SLC4A4: variants seen among roughly 807,000 people sequenced by gnomAD.
The protein encoded by SLC4A4 is electrogenic sodium bicarbonate cotransporter 1.
A neutral mutation model predicts 111.5 loss-of-function variants in SLC4A4; 27 were observed. That is an observed-to-expected ratio of 0.24 (90% CI 0.18 to 0.33). The LOEUF (loss-of-function observed/expected upper bound fraction) is 0.33. SLC4A4 is among the 10% of genes least tolerant of loss of function. The pLI is 1.00. For synonymous variants in SLC4A4, 443 were observed against 463.4 expected (o/e 0.96, Z 0.57); for missense variants, 909 against 1,315.5 (o/e 0.69, Z 4.78).
chr4:71,352,372 C>A (rs1729921856), intron 5 of SLC4A4, among the ~76,000 whole-genome samples: 1 of 151,918 alleles, frequency 6.6e-6, no homozygotes, highest in African/African-American at 2.4e-5. Flanking sequence ...TTAAAAAAAA[C>A]ACAATTTTTT....
chr4:71,550,084 C>T (rs1228119138), intron 20 of SLC4A4, among the ~76,000 whole-genome samples: 1 of 151,748 alleles, frequency 6.6e-6, no homozygotes, highest in Non-Finnish European at 1.5e-5. Context: ...TTTGAGTTAC[C>T]CCAAGTAGTC....
rs1179942150 is a variant in SLC4A4 at position 71,297,546 on chromosome 4, A to T, written c.254-41824A>T. Among the ~76,000 whole-genome samples, 3 of 145,280 alleles carry T rather than the reference A, an allele frequency of 2.1e-5. No individual in the cohort carries two copies. The East Asian group carries it at 6.0e-4, about 29-fold the overall frequency. On this transcript the variant is annotated intron_variant, in intron 3 of 25. Coordinates refer to ENST00000264485, the MANE Select transcript of SLC4A4 (RefSeq NM_001098484.3). The stretch of plus-strand genomic sequence containing the variant: ...CACACACACACACACACACACACAC[A>T]CACACTCTTTGGCAAAAGAAATGAA...
intron 2 of SLC4A4, among the ~76,000 whole-genome samples, chr4:71,156,796 CAGT>C (rs1451358647): frequency 1.3e-5 from 2 of 152,146 alleles, no homozygotes; most frequent in Non-Finnish European, 2.9e-5. Flanking sequence ...ATTTCATCAG[CAGT>C]AGTTTTTGGC....
chr4:71,254,014 C>A lies in SLC4A4; in HGVS notation c.74-1206C>A, dbSNP rs573582429. The stretch of plus-strand genomic sequence containing the variant: ...GCCAATTATGGTGTTTTTAGATATA[C>A]CCCGTAGGTTACTGTGGAAAGTAGT... On this transcript the variant is annotated intron_variant, in intron 2 of 25. Coordinates refer to ENST00000264485, the MANE Select transcript of SLC4A4 (RefSeq NM_001098484.3). Among the ~76,000 whole-genome samples, 4 of 152,262 alleles carry A rather than the reference C, an allele frequency of 2.6e-5. No individual in the cohort carries two copies. The South Asian group carries it at 8.3e-4, about 32-fold the overall frequency.
At chr4:71,449,854 A>G (rs1725598335) in intron 9 of SLC4A4, among the ~76,000 whole-genome samples, 1 of 152,302 alleles carries the variant, frequency 6.6e-6, no homozygotes, top group Admixed American at 6.5e-5. Context: ...CAGATGATTG[A>G]CTATTTAAGG....
intron 3 of SLC4A4, among the ~76,000 whole-genome samples, chr4:71,267,159 T>G (rs921691461): frequency 6.6e-6 from 1 of 152,170 alleles, no homozygotes; most frequent in African/African-American, 2.4e-5. Context: ...GTAGTCAGTT[T>G]GGAGAGACAC....
intron 1 of SLC4A4, among the ~76,000 whole-genome samples, chr4:71,069,548 A>G (rs1314634229): frequency 6.6e-6 from 1 of 152,194 alleles, no homozygotes; most frequent in Non-Finnish European, 1.5e-5. Context: ...TGCTGTTTAT[A>G]GGATTTTCTG....
intron 6 of SLC4A4, among the ~76,000 whole-genome samples, chr4:71,374,604 T>C (rs965238196): frequency 6.6e-6 from 1 of 152,158 alleles, no homozygotes; most frequent in African/African-American, 2.4e-5. Flanking sequence ...TATCTAATAT[T>C]ACATTTACAA....
intron 3 of SLC4A4, among the ~76,000 whole-genome samples, chr4:71,323,541 C>G (rs1265689636): frequency 1.3e-5 from 2 of 151,950 alleles, no homozygotes; most frequent in Non-Finnish European, 2.9e-5. Flanking sequence ...GCACTGGGTA[C>G]CTTGTAATTT....
chr4:71,232,701 G>A (rs916534184), intron 1 of SLC4A4, among the ~76,000 whole-genome samples: 6 of 152,208 alleles, frequency 3.9e-5, no homozygotes, highest in Admixed American at 6.5e-5. Flanking sequence ...CTGAGCCACT[G>A]TGTCAGCTTT....
At chr4:71,377,336 A>G (rs1316692611) in intron 6 of SLC4A4, among the ~76,000 whole-genome samples, 1 of 152,252 alleles carries the variant, frequency 6.6e-6, no homozygotes, top group East Asian at 1.9e-4. Context: ...TGTGGTGGTA[A>G]TAATTGAAAG....
At chr4:71,474,036 A>C (rs1728120632) in intron 14 of SLC4A4, among the ~76,000 whole-genome samples, 2 of 151,450 alleles carry the variant, frequency 1.3e-5, no homozygotes, top group African/African-American at 4.8e-5. Context: ...CCCTGTGTCT[A>C]CAAAAAATAG....
intron 5 of SLC4A4, among the ~76,000 whole-genome samples, 184 bp from the exon 6 acceptor site, chr4:71,356,824 C>G (rs1298661958): frequency 6.6e-6 from 1 of 152,160 alleles, no homozygotes; most frequent in Non-Finnish European, 1.5e-5. Context: ...ATTTGTATCT[C>G]TCTCATCAAT....
At chr4:71,086,594 A>T (rs1337988646) in intron 1 of SLC4A4, among the ~76,000 whole-genome samples, 2 of 152,000 alleles carry the variant, frequency 1.3e-5, no homozygotes, top group African/African-American at 4.8e-5. Flanking sequence ...TACCTAATTT[A>T]TTGAGAGTTT....
intron 1 of SLC4A4, among the ~76,000 whole-genome samples, chr4:71,086,973 A>C (rs2148937896): frequency 6.6e-6 from 1 of 152,154 alleles, no homozygotes; most frequent in South Asian, 2.1e-4. Flanking sequence ...TAGTTTCAGA[A>C]GGAATGGTAC....
intron 2 of SLC4A4, among the ~76,000 whole-genome samples, chr4:71,178,926 C>G (rs1438553602): frequency 2.0e-5 from 3 of 152,134 alleles, no homozygotes; most frequent in Non-Finnish European, 2.9e-5. Context: ...GACCAATATC[C>G]CTGATGAACA....
At chr4:71,193,429 G>C (rs1240325496) in intron 1 of SLC4A4, among the ~76,000 whole-genome samples, 1 of 152,196 alleles carries the variant, frequency 6.6e-6, no homozygotes, top group Non-Finnish European at 1.5e-5. Flanking sequence ...AAAGTGCTGA[G>C]ATTACAGGCG....
intron 18 of SLC4A4, among the ~76,000 whole-genome samples, chr4:71,543,366 A>G (rs1375501362): frequency 6.6e-6 from 1 of 152,116 alleles, no homozygotes; most frequent in Non-Finnish European, 1.5e-5. Context: ...CCTTCCCCTT[A>G]AGAACAAAAA....
chr4:71,497,753 C>T lies in SLC4A4; in HGVS notation c.2166+61C>T, dbSNP rs192173886. The T allele has an allele frequency of 1.3e-5, 19 of 1,432,866 alleles. 1 individual carries two copies. The Admixed American group carries it at 2.7e-4, about 20-fold the overall frequency. The allele number at this position is 1,432,866 out of a possible 1,614,324, so 88.8% of individuals were successfully genotyped here. A position where few individuals can be genotyped will look rare whatever the true frequency, so the allele number is the denominator to read the frequency against. ...TTACACTGTATCAACAATAATACAA[C>T]TTTACAAGGTGAAAAAGGCACCTGT... On this transcript the variant is annotated intron_variant, in intron 16 of 25. Coordinates refer to ENST00000264485, the MANE Select transcript of SLC4A4 (RefSeq NM_001098484.3).
Sources: allele counts gnomAD v4.1 joint callset (sites outside exome capture counted in the v4.1 genomes callset), GRCh38; gene constraint gnomAD v4.1.1; transcripts MANE v1.5; gene names NCBI Gene and HGNC (gene_info 2026-07-23, HGNC 2026-07-21).